The following TBC1D30 variants were observed in gnomAD, a reference collection of about 807,000 sequenced individuals.
TBC1D30 encodes TBC1 domain family, member 30.
TBC1D30 carries 31 observed loss-of-function variants against 63.2 expected under a neutral mutation model. The ratio of observed to expected loss-of-function variants is 0.49; its 90% CI spans 0.37 to 0.66. The LOEUF is 0.66. TBC1D30 is among the 30% of genes least tolerant of loss of function. The pLI is 0.00. For synonymous variants in TBC1D30, 307 were observed against 361.5 expected, an observed-to-expected ratio of 0.85 and a Z score of 1.71; for missense variants, 810 against 953.6, an observed-to-expected ratio of 0.85 and a Z score of 1.98.
intron 8 of TBC1D30, among the ~76,000 whole-genome samples, chr12:64,862,524 A>G (rs1341221730): frequency 6.6e-6 from 1 of 152,160 alleles, no homozygotes; most frequent in Non-Finnish European, 1.5e-5. Flanking sequence ...TCCCTGGGGC[A>G]GGGCAGGGTG....
upstream of TBC1D30, among the ~76,000 whole-genome samples, chr12:64,780,249 T>C (rs1871197568): frequency 6.6e-6 from 1 of 152,200 alleles, no homozygotes; most frequent in South Asian, 2.1e-4. Context: ...CTAAGAAGGC[T>C]TTTGAAGGCG....
Position 64,877,965 on chromosome 12 carries a change from A to G in TBC1D30, c.*2177A>G, listed in dbSNP as rs1241404261. ...TTATACAAGTCCTTGGGATTGTACC[A>G]TTGCTGTCCACAAACTTAGTATCAA... On this transcript the variant is annotated 3_prime_UTR_variant, in exon 12 of 12. Transcript: ENST00000539867. The G allele has an allele frequency of 6.3e-6, 1 of 158,310 alleles. No homozygotes were observed. Among genetic ancestry groups the G allele is most frequent in the Non-Finnish European group, 1.4e-5 (1 of 71,382 alleles). 9.8% of individuals were successfully genotyped at this position (158,310 alleles called of 1,614,324 possible). A position where few individuals can be genotyped will look rare whatever the true frequency, so the allele number is the denominator to read the frequency against.
At chr12:64,766,639 T>A (rs1262395663) in intron 1 of TBC1D30, among the ~76,000 whole-genome samples, 1 of 152,182 alleles carries the variant, frequency 6.6e-6, no homozygotes, top group African/African-American at 2.4e-5. Context: ...ATAGAGTAGC[T>A]AGGCAGAAGA....
intron 1 of TBC1D30, among the ~76,000 whole-genome samples, chr12:64,767,947 C>G (rs892337190): frequency 6.6e-6 from 1 of 152,030 alleles, no homozygotes; most frequent in African/African-American, 2.4e-5. Context: ...GAAAGAAGCA[C>G]AGTGCTTGGT....
At chr12:64,802,032 C>T (rs530158463) in intron 2 of TBC1D30, among the ~76,000 whole-genome samples, 3 of 152,058 alleles carry the variant, frequency 2.0e-5, no homozygotes, top group Admixed American at 6.5e-5. Context: ...GGTACTGGCA[C>T]GAACAAGTAC....
At chr12:64,825,455 G>A (rs1212784246) in intron 1 of TBC1D30, 3 of 169,450 alleles carry the variant, frequency 1.8e-5, no homozygotes, top group Non-Finnish European at 3.8e-5. Flanking sequence ...ACTGCAGGTC[G>A]GAGGAGGAAG....
exon 1 of TBC1D30, chr12:64,780,974 C>T (rs1871243624): frequency 9.5e-7 from 1 of 1,054,032 alleles, no homozygotes; most frequent in Non-Finnish European, 1.2e-6. Context: ...GCGGCGCTCC[C>T]GGGACACGTG....
intron 2 of TBC1D30, among the ~76,000 whole-genome samples, chr12:64,795,922 A>C (rs1417988839): frequency 2.0e-5 from 3 of 151,748 alleles, no homozygotes; most frequent in Non-Finnish European, 4.4e-5. Flanking sequence ...GATTTGCCTT[A>C]AATTTGGAAT....
At chr12:64,844,476 G>C (rs935344756) in intron 8 of TBC1D30, among the ~76,000 whole-genome samples, 1 of 152,068 alleles carries the variant, frequency 6.6e-6, no homozygotes, top group Admixed American at 6.6e-5. Flanking sequence ...ATCATATCAG[G>C]GTAAATGGGG....
intron 1 of TBC1D30, among the ~76,000 whole-genome samples, chr12:64,783,946 C>T (rs1181112251): frequency 6.8e-6 from 1 of 147,374 alleles, no homozygotes; most frequent in African/African-American, 2.5e-5. Flanking sequence ...GTGTGAGCCA[C>T]CGTGCCCAGC....
In TBC1D30 at chr12:64,825,128, T is replaced by C. The variant is rs1030403222; in HGVS notation, c.154+95T>C. 1.3e-5 allele frequency: 18 copies of C among 1,430,668 alleles called. No homozygotes were observed. In the East Asian group the frequency reaches 2.3e-4, roughly 18 times the overall value. The allele number at this position is 1,430,668 out of a possible 1,614,324, so 88.6% of individuals were successfully genotyped here. A position where few individuals can be genotyped will look rare whatever the true frequency, so the allele number is the denominator to read the frequency against. ...CCTGACTCCGTCTAGGCCGGGGAGC[T>C]CTGGGGAAAGTCCGCGTGCCACCTG... On this transcript the variant is annotated intron_variant, in intron 1 of 11. Transcript: ENST00000539867.
chr12:64,813,847 A>C (rs931359580), intron 2 of TBC1D30, among the ~76,000 whole-genome samples: 2 of 152,180 alleles, frequency 1.3e-5, no homozygotes, highest in Non-Finnish European at 2.9e-5. Context: ...TTTAAAGTTC[A>C]TGCTGACTGT....
chr12:64,862,818 T>C (rs1877903143), intron 8 of TBC1D30, among the ~76,000 whole-genome samples: 1 of 152,070 alleles, frequency 6.6e-6, no homozygotes, highest in South Asian at 2.1e-4. Flanking sequence ...GGAAAAAAAA[T>C]TACATGAATG....
intron 2 of TBC1D30, among the ~76,000 whole-genome samples, chr12:64,786,352 A>C (rs957412417): frequency 1.4e-5 from 2 of 146,576 alleles, no homozygotes; most frequent in Non-Finnish European, 3.0e-5. Context: ...ATTTATTTGA[A>C]ACAGAGTCTC....
intron 2 of TBC1D30, among the ~76,000 whole-genome samples, chr12:64,786,368 G>A (rs913198189): frequency 6.6e-6 from 1 of 151,828 alleles, no homozygotes; most frequent in Non-Finnish European, 1.5e-5. Context: ...GTCTCACTCC[G>A]TCACCCAGGC....
chr12:64,822,454 T>A (rs1000273677), upstream of TBC1D30, among the ~76,000 whole-genome samples: 2 of 152,130 alleles, frequency 1.3e-5, no homozygotes, highest in African/African-American at 2.4e-5. Context: ...GCACTGGGAT[T>A]ACAGACCTGA....
chr12:64,804,051 G>T (rs1253776700), intron 2 of TBC1D30, among the ~76,000 whole-genome samples: 1 of 151,808 alleles, frequency 6.6e-6, no homozygotes, highest in Non-Finnish European at 1.5e-5. Flanking sequence ...TCATTGATGG[G>T]GATGGCATTG....
At chr12:64,867,728 A>G (rs1363525201) in intron 10 of TBC1D30, among the ~76,000 whole-genome samples, 2 of 152,202 alleles carry the variant, frequency 1.3e-5, no homozygotes, top group Admixed American at 6.5e-5. Flanking sequence ...CTTTAAATCA[A>G]AACATTATGG....
At chr12:64,779,260 A>G (rs1233292017), upstream of TBC1D30, 5 of 152,190 alleles carry the variant, frequency 3.3e-5, no homozygotes, top group African/African-American at 7.2e-5. Flanking sequence ...AAAGTTTGGC[A>G]TACGAAGGAG....
Sources: allele counts gnomAD v4.1 joint callset (sites outside exome capture counted in the v4.1 genomes callset), GRCh38; gene constraint gnomAD v4.1.1; transcripts MANE v1.5; gene names NCBI Gene and HGNC (gene_info 2026-07-23, HGNC 2026-07-21).